HUWE1: variants seen among roughly 807,000 people sequenced by gnomAD.
HUWE1 encodes the protein E3 ubiquitin-protein ligase HUWE1.
HUWE1 carries 18 observed loss-of-function variants against 299.4 expected under a neutral mutation model. That is an observed-to-expected ratio of 0.06 (90% CI 0.04 to 0.09). HUWE1 has a LOEUF of 0.09. Among genes scored for constraint, HUWE1 ranks in the 10% least tolerant of loss-of-function variants. The probability of loss-of-function intolerance (pLI) is 1.00; values close to 1 mark genes in which losing one functional copy is unlikely to be tolerated. For missense variants in HUWE1, 1,832 were observed against 3,462.3 expected (o/e 0.53, Z 11.82); for synonymous variants, 1,317 against 1,286.1 (o/e 1.02, Z -0.51).
chrX:53,644,749 T>A (rs1387745969), intron 7 of HUWE1, among the ~76,000 whole-genome samples: 3 of 112,312 alleles, frequency 2.7e-5, no homozygotes, highest in Non-Finnish European at 5.6e-5. Context: ...TTTCCAACAG[T>A]GGGTTACCTC....
chrX:53,575,885 C>G, intron 44 of HUWE1, 97 bp from the exon 45 acceptor site: 1 of 904,617 alleles, frequency 1.1e-6, no homozygotes, highest in Non-Finnish European at 1.6e-6. Flanking sequence ...AATTTCACAT[C>G]AAGTGGCTAT....
intron 2 of HUWE1, among the ~76,000 whole-genome samples, chrX:53,685,139 C>T: frequency 8.9e-6 from 1 of 112,329 alleles, no homozygotes; most frequent in East Asian, 2.8e-4. Flanking sequence ...TAAATAGTTC[C>T]TTTAGAGTAC....
rs1312865989 is a variant in HUWE1 at position 53,575,670 on chromosome X, A to T, written c.6003T>A (p.Phe2001Leu). ...YRSLTRQSSD[F>L]DTQSGFSINS... ...TAATGGAAAAACCTGACTGCGTATC[A>T]AAGTCACTGCTCTGACGCGTAAGTG... The change falls in exon 45 of 84, where the codon TTT (phenylalanine) becomes TTA (leucine). Residue 2001 changes from phenylalanine (F) to leucine (L), a missense_variant. Around this residue, in one of 15 missense-constraint regions of HUWE1, gnomAD observed 157 missense variants for 252.3 expected, o/e 0.62. Transcript: ENST00000262854. 8.3e-7 allele frequency: 1 copy of T among 1,210,285 alleles called. No individual in the cohort carries two copies. The highest frequency in any genetic ancestry group is 1.1e-6 in the Non-Finnish European group (1 of 894,957).
chrX:53,588,969 A>C (rs2064005068), intron 36 of HUWE1, among the ~76,000 whole-genome samples: 1 of 112,488 alleles, frequency 8.9e-6, no homozygotes, highest in African/African-American at 3.2e-5. Flanking sequence ...TTGTGCATTA[A>C]AGTTCTATTT....
rs782045711 is a variant in HUWE1, at chrX:53,611,964, G to C, written c.2261+2570C>G. ...ATGAGAGCATGGGAAACAGAAATTCGGAAGAACTATGGATATGGAGGAAGG... is the reference window on the plus strand; with the variant it reads ...ATGAGAGCATGGGAAACAGAAATTCCGAAGAACTATGGATATGGAGGAAGG... On this transcript the variant is annotated intron_variant, in intron 23 of 83. Transcript: ENST00000262854. Among the ~76,000 whole-genome samples the C allele has an allele frequency of 7.2e-5, 8 of 111,633 alleles. No homozygotes were observed. The South Asian group carries it at 3.0e-3, about 41-fold the overall frequency.
intron 7 of HUWE1, among the ~76,000 whole-genome samples, chrX:53,645,040 T>C (rs946774852): frequency 8.9e-6 from 1 of 112,383 alleles, no homozygotes; most frequent in Non-Finnish European, 1.9e-5. Context: ...CAGAATTGAA[T>C]CTAATTTTGA....
In HUWE1 at chrX:53,617,083, G is replaced by T; in HGVS notation, c.1844C>A (p.Ala615Asp). 8.3e-7 allele frequency: 1 copy of T among 1,209,800 alleles called. No homozygotes were observed. Among genetic ancestry groups the T allele is most frequent in the Non-Finnish European group, 1.1e-6 (1 of 893,819 alleles). ...CTGAACAAAAGACTGAAGACCTCGG[G>T]CATTCAAACAGAGTGCACTGAATAC... ...PNVFSALCLN[A>D]RGLQSFVQCQ... Residue 615 changes from alanine (A) to aspartate (D), a missense_variant, in exon 21 of 84, where the codon GCC (alanine) becomes GAC (aspartate). This residue lies in a region of HUWE1 where 658 missense variants were observed against 1,282.6 expected (regional missense o/e 0.51). Coordinates refer to ENST00000262854, the MANE Select transcript of HUWE1 (RefSeq NM_031407.7).
chrX:53,586,417 C>A (rs782549412), intron 39 of HUWE1, 73 bp downstream of exon 39: 32 of 651,499 alleles, frequency 4.9e-5, no homozygotes, highest in Non-Finnish European at 7.9e-5. Context: ...ACTACTCTCT[C>A]ATATTCTCTT....
In HUWE1 at chrX:53,545,173, G is replaced by A. The variant is rs1726056294; in HGVS notation, c.10916-12C>T. On this transcript the variant is annotated splice_polypyrimidine_tract_variant and intron_variant, in intron 70 of 83. Transcript: ENST00000262854. ...GGCCAGCAGGGTACCTGAGCAGGCAGAGGAGTCAGCAAGTGTTCAGAGACT... is the reference window on the plus strand; with the variant it reads ...GGCCAGCAGGGTACCTGAGCAGGCAAAGGAGTCAGCAAGTGTTCAGAGACT... The A allele has an allele frequency of 8.3e-7, 1 of 1,209,272 alleles. No individual in the cohort carries two copies. The highest frequency in any genetic ancestry group is 1.7e-5 in the African/African-American group (1 of 57,824).
At chrX:53,609,114 T>C (rs782789591) in intron 23 of HUWE1, among the ~76,000 whole-genome samples, 10 of 111,220 alleles carry the variant, frequency 9.0e-5, no homozygotes, top group Non-Finnish European at 1.9e-4. Context: ...TTCCCAGGCT[T>C]ATGGGGTAGA....
At position 53,631,423 on chromosome X, in the gene HUWE1, C is replaced by T. The variant is rs1603209463; in HGVS notation, c.753G>A (p.Lys251=). 2 of 1,196,464 alleles carry T rather than the reference C, an allele frequency of 1.7e-6. No individual in the cohort carries two copies. Among genetic ancestry groups the T allele is most frequent in the Middle Eastern group, 4.7e-4 (2 of 4,258 alleles). ...ESLTKMYSIP[K]DKQMLLFTHI... ...TAAAGCCACATCATACCTGCTTATC[C>T]TTAGGAATGCTGTACATTTTGGTAA... The change falls in exon 11 of 84, where the codon AAG becomes AAA. Residue 251 remains lysine, a synonymous_variant. Coordinates refer to ENST00000262854, the MANE Select transcript of HUWE1 (RefSeq NM_031407.7).
chrX:53,556,198 G>A (rs1556934497), intron 60 of HUWE1: 1 of 342,866 alleles, frequency 2.9e-6, no homozygotes, highest in Admixed American at 3.1e-5. Context: ...TTGTCTGATG[G>A]AGGCAACACT....
In HUWE1 at chrX:53,619,813, A is replaced by C. The variant is rs147850888; in HGVS notation, c.1673-2367T>G. On this transcript the variant is annotated intron_variant, in intron 19 of 83. Coordinates refer to ENST00000262854, the MANE Select transcript of HUWE1 (RefSeq NM_031407.7). ...ACAGAGTTTGGAAAGTCAAGGTTAC[A>C]GAGAAGAGAGTAAAGGAAGGCAGAA... 6.8e-3 allele frequency among the ~76,000 whole-genome samples: 761 copies of C among 111,675 alleles called. 7 individuals carry two copies. The highest frequency in any genetic ancestry group is 0.024 in the African/African-American group (723 of 30,734).
At chrX:53,544,502 G>A in intron 72 of HUWE1, 58 bp downstream of exon 72, 2 of 988,426 alleles carry the variant, frequency 2.0e-6, no homozygotes, top group Non-Finnish European at 1.4e-6. Context: ...GCACCTCCAA[G>A]GAATCTGGCT....
In HUWE1 at chrX:53,551,369, G is replaced by C. The variant is rs372102594; in HGVS notation, c.8993C>G (p.Ala2998Gly). Residue 2998 changes from alanine to glycine, a missense_variant, in exon 64 of 84, where the codon GCC becomes GGC. By Grantham distance (60) the Ala-to-Gly change is moderately conservative. Transcript: ENST00000262854. ...QLGIRPPTRTAPSTNSSAPAV... is the reference protein window; with the variant it reads ...QLGIRPPTRTGPSTNSSAPAV... ...AGGCGCTGAGCTATTTGTGGAGGGG[G>C]CAGTCCGGGTTGGTGGACGAATGCC... The C allele has an allele frequency of 8.3e-7, 1 of 1,208,987 alleles. No homozygotes were observed. The highest frequency in any genetic ancestry group is 2.2e-5 in the Admixed American group (1 of 45,840).
At chrX:53,547,288 G>C (rs2061580330) in intron 68 of HUWE1, among the ~76,000 whole-genome samples, 1 of 112,034 alleles carries the variant, frequency 8.9e-6, no homozygotes, top group Non-Finnish European at 1.9e-5. Context: ...GCCCGCCCTT[G>C]AACTATTTCC....
rs1282615790 is a variant in HUWE1, at chrX:53,672,425, A to C, written c.-25+7624T>G. On this transcript the variant is annotated intron_variant, in intron 3 of 83. Transcript: ENST00000262854. ...CTACAGGTGCCACCACACCCAGCTAATTTTTTTATTTTTAGTAGAGGCAGG... is the reference window on the plus strand; with the variant it reads ...CTACAGGTGCCACCACACCCAGCTACTTTTTTTATTTTTAGTAGAGGCAGG... Among the ~76,000 whole-genome samples, 3 of 108,826 alleles carry C rather than the reference A, an allele frequency of 2.8e-5. No individual in the cohort carries two copies. The Admixed American group carries it at 2.9e-4, about 11-fold the overall frequency. The allele number at this position is 108,826 out of a possible 115,157, so 94.5% of individuals were successfully genotyped here. A position where few individuals can be genotyped will look rare whatever the true frequency, so the allele number is the denominator to read the frequency against.
chrX:53,552,600 C>T, intron 62 of HUWE1, 38 bp downstream of exon 62: 3 of 1,211,055 alleles, frequency 2.5e-6, no homozygotes, highest in Non-Finnish European at 3.4e-6. Flanking sequence ...AAAGACCCTC[C>T]AATATATCCT....
rs1158947305 is a variant in HUWE1 at position 53,618,565 on chromosome X, C to CTT, written c.1673-1121_1673-1120dup. Among the ~76,000 whole-genome samples, 349 of 88,867 alleles carry CTT rather than the reference C, an allele frequency of 3.9e-3. 1 individual carries two copies. The highest frequency in any genetic ancestry group is 0.013 in the African/African-American group (325 of 24,629). The allele number at this position is 88,867 out of a possible 115,157, so 77.2% of individuals were successfully genotyped here. A position where few individuals can be genotyped will look rare whatever the true frequency, so the allele number is the denominator to read the frequency against. ...AGCAGACTAGACCAGTAAGAATTTT[C>CTT]TTTTTTTTTTTTTTTTTTAGACGGA... On this transcript the variant is annotated intron_variant, in intron 19 of 83. Coordinates refer to ENST00000262854, the MANE Select transcript of HUWE1 (RefSeq NM_031407.7).
Sources: allele counts gnomAD v4.1 joint callset (sites outside exome capture counted in the v4.1 genomes callset), GRCh38; gene constraint gnomAD v4.1.1; regional missense constraint gnomAD v4.1.1; transcripts MANE v1.5; gene names NCBI Gene and HGNC (gene_info 2026-07-23, HGNC 2026-07-21).